The following RANBP2 variants were observed in gnomAD, a reference collection of about 807,000 sequenced individuals.
RANBP2 encodes the protein RAN binding protein 2.
A neutral mutation model predicts 303.6 loss-of-function variants in RANBP2; 57 were observed. The observed-to-expected ratio is 0.19, with a 90% confidence interval of 0.15 to 0.23. RANBP2 has a LOEUF of 0.23. Ranked by LOEUF, RANBP2 falls within the 10% of genes least tolerant of loss-of-function variation. The pLI, the probability that RANBP2 is intolerant of heterozygous loss-of-function variation, is 1.00. For synonymous variants in RANBP2, 1,167 were observed against 1,301.5 expected, an observed-to-expected ratio of 0.90 and a Z score of 2.23; for missense variants, 3,138 against 3,780.8, an observed-to-expected ratio of 0.83 and a Z score of 4.46.
the RANBP2 span, among the ~76,000 whole-genome samples, chr2:108,808,550 T>A: frequency 2.6e-5 from 4 of 152,338 alleles, no homozygotes; most frequent in East Asian, 7.7e-4. Flanking sequence ...TCATAGCCTT[T>A]CTAACTGGGA....
At chr2:109,279,972 C>T in the RANBP2 span, among the ~76,000 whole-genome samples, 2 of 152,064 alleles carry the variant, frequency 1.3e-5, no homozygotes, top group Non-Finnish European at 2.9e-5. Context: ...CAAAAACACA[C>T]CCCCTGGGCC....
At chr2:109,399,606 A>G in the RANBP2 span, among the ~76,000 whole-genome samples, 2 of 152,214 alleles carry the variant, frequency 1.3e-5, no homozygotes, top group Non-Finnish European at 1.5e-5. Flanking sequence ...TGTCTCTACA[A>G]GCAACCAATC....
At chr2:109,646,636 C>A in the RANBP2 span, among the ~76,000 whole-genome samples, 1 of 150,394 alleles carries the variant, frequency 6.6e-6, no homozygotes, top group Non-Finnish European at 1.5e-5. Flanking sequence ...GGATTACAGG[C>A]GACTGCCACC....
the RANBP2 span, among the ~76,000 whole-genome samples, chr2:109,377,063 C>T: frequency 1.2e-3 from 179 of 152,306 alleles, no homozygotes; most frequent in African/African-American, 4.1e-3. Flanking sequence ...TTGGATTTGG[C>T]TTGGGCTGAA....
chr2:109,348,064 G>T, the RANBP2 span: 4 of 1,381,336 alleles, frequency 2.9e-6, no homozygotes, highest in Non-Finnish European at 3.9e-6. Context: ...CTGAATCCTG[G>T]CTCCTCCCGG....
chr2:109,078,282 A>G, the RANBP2 span, among the ~76,000 whole-genome samples: 1 of 124,312 alleles, frequency 8.0e-6, no homozygotes, highest in Non-Finnish European at 1.7e-5. Flanking sequence ...ATATATATAT[A>G]TATATATATA....
At chr2:109,091,560 C>T in the RANBP2 span, among the ~76,000 whole-genome samples, 1 of 152,332 alleles carries the variant, frequency 6.6e-6, no homozygotes, top group East Asian at 1.9e-4. Context: ...AAAATCGGCT[C>T]TGTCTAGGCA....
At chr2:109,142,573 G>A in the RANBP2 span, among the ~76,000 whole-genome samples, 3 of 152,162 alleles carry the variant, frequency 2.0e-5, no homozygotes, top group Admixed American at 6.5e-5. Flanking sequence ...AGTGGCTGAG[G>A]GAGGAGGATT....
the RANBP2 span, among the ~76,000 whole-genome samples, chr2:109,691,800 T>G: frequency 6.6e-6 from 1 of 151,826 alleles, no homozygotes. Flanking sequence ...GTTTTTTTTT[T>G]GAGGCAGAGT....
At chr2:109,713,826 T>G in the RANBP2 span, among the ~76,000 whole-genome samples, 17 of 152,316 alleles carry the variant, frequency 1.1e-4, no homozygotes, top group East Asian at 2.5e-3. Context: ...TCGAAAGCTT[T>G]CCTCCTAAGA....
intron 7 of RANBP2, among the ~76,000 whole-genome samples, chr2:108,741,759 G>A (rs1282962281): frequency 2.8e-5 from 4 of 145,368 alleles, no homozygotes; most frequent in African/African-American, 1.0e-4. Context: ...TCATCCACCT[G>A]CCTCGGCCTC....
the RANBP2 span, among the ~76,000 whole-genome samples, chr2:109,230,447 G>A: frequency 2.0e-5 from 3 of 152,144 alleles, no homozygotes; most frequent in Admixed American, 6.5e-5. Context: ...GGGCATGATG[G>A]TGCATGCCTG....
At chr2:109,595,156 G>C in the RANBP2 span, among the ~76,000 whole-genome samples, 9 of 152,240 alleles carry the variant, frequency 5.9e-5, no homozygotes, top group Non-Finnish European at 1.3e-4. Context: ...CAAAGTGCTG[G>C]GATTACAGGC....
the RANBP2 span, among the ~76,000 whole-genome samples, chr2:109,316,366 C>A: frequency 6.6e-6 from 1 of 152,184 alleles, no homozygotes; most frequent in Non-Finnish European, 1.5e-5. Flanking sequence ...TGCCCCTGCT[C>A]CTGGAGAAGC....
chr2:109,237,288 A>G, the RANBP2 span, among the ~76,000 whole-genome samples: 2 of 152,262 alleles, frequency 1.3e-5, no homozygotes, highest in African/African-American at 4.8e-5. Context: ...GAAGACATTT[A>G]TCTTTATCAG....
chr2:109,129,018 C>T, the RANBP2 span: 2 of 420,586 alleles, frequency 4.8e-6, no homozygotes, highest in South Asian at 1.7e-5. Context: ...AACGGTCCTG[C>T]TGAATCCTCT....
At chr2:108,977,646 C>G in the RANBP2 span, among the ~76,000 whole-genome samples, 1 of 152,054 alleles carries the variant, frequency 6.6e-6, no homozygotes, top group Non-Finnish European at 1.5e-5. Context: ...GACATCTGGA[C>G]GTCCTCCCTC....
chr2:108,905,924 C>T, the RANBP2 span, among the ~76,000 whole-genome samples: 1 of 152,150 alleles, frequency 6.6e-6, no homozygotes, highest in Non-Finnish European at 1.5e-5. Context: ...GAGAGGGCAG[C>T]TAAGTCTAGG....
chr2:108,846,397 C>A, the RANBP2 span, among the ~76,000 whole-genome samples: 1 of 151,922 alleles, frequency 6.6e-6, no homozygotes, highest in Non-Finnish European at 1.5e-5. Context: ...TAGTTATTGG[C>A]CAGGCACAGT....
Sources: gnomAD v4.1 joint callset for allele counts (sites outside exome capture counted in the v4.1 genomes callset) on GRCh38, gnomAD v4.1.1 for gene constraint, MANE v1.5 for transcripts, NCBI Gene and HGNC (gene_info 2026-07-23, HGNC 2026-07-21) for gene names.